Variants in DPP6 observed in about 807,000 individuals in gnomAD.
DPP6 encodes the protein dipeptidyl peptidase like 6, also known as A-type potassium channel modulatory protein DPP6.
In DPP6, 69 loss-of-function variants were observed where a neutral mutation model predicts 122.6. That is an observed-to-expected ratio of 0.56 (90% CI 0.46 to 0.69). DPP6 has a LOEUF of 0.69. DPP6 is among the 30% of genes least tolerant of loss of function. The pLI is 0.00. For synonymous variants in DPP6, 418 were observed against 433.1 expected (o/e 0.97, Z 0.43); for missense variants, 928 against 1,116.9 (o/e 0.83, Z 2.41).
rs372610723 is a variant in DPP6 at position 154,041,594 on chromosome 7, T to C, written c.51+153860T>C. Among the ~76,000 whole-genome samples the C allele has an allele frequency of 6.5e-3, 983 of 152,272 alleles. 7 individuals are homozygous for C. Among genetic ancestry groups the C allele is most frequent in the African/African-American group, 0.023 (938 of 41,558 alleles). On this transcript the variant is annotated intron_variant, in intron 1 of 25. Coordinates refer to the DPP6 transcript ENST00000404039. Reference sequence around the variant, plus strand: ...AGGTGTGCAGTGTGTCCAACAGGAATGCTTTTGGCTGTGAAACAATTCCTG... The same window carrying C: ...AGGTGTGCAGTGTGTCCAACAGGAACGCTTTTGGCTGTGAAACAATTCCTG...
chr7:154,083,847 A>G (rs1384367939), intron 1 of DPP6, among the ~76,000 whole-genome samples: 1 of 150,898 alleles, frequency 6.6e-6, no homozygotes, highest in Non-Finnish European at 1.5e-5. Flanking sequence ...GGATATTTCC[A>G]TGTTCTTCCT....
At chr7:154,142,404 C>T (rs1795890145) in intron 1 of DPP6, among the ~76,000 whole-genome samples, 1 of 152,034 alleles carries the variant, frequency 6.6e-6, no homozygotes, top group African/African-American at 2.4e-5. Context: ...AAACACAGTT[C>T]CATGTTTACT....
At chr7:153,833,634 A>G in the DPP6 span, among the ~76,000 whole-genome samples, 7,751 of 151,596 alleles carry the variant, frequency 0.051, 653 homozygotes, top group African/African-American at 0.18. Flanking sequence ...TTGGAGTGTC[A>G]CTGCACTCCA....
intron 16 of DPP6, among the ~76,000 whole-genome samples, chr7:154,815,701 T>C (rs1203824092): frequency 6.6e-6 from 1 of 152,246 alleles, no homozygotes; most frequent in African/African-American, 2.4e-5. Context: ...GATGGAATTA[T>C]TGCAGTCACT....
intron 16 of DPP6, among the ~76,000 whole-genome samples, chr7:154,826,163 G>A (rs1339221319): frequency 6.6e-6 from 1 of 152,208 alleles, no homozygotes; most frequent in Non-Finnish European, 1.5e-5. Flanking sequence ...CAGTGTATGA[G>A]TTTAATAAAT....
the DPP6 span, among the ~76,000 whole-genome samples, chr7:153,764,611 G>T: frequency 1.3e-5 from 2 of 151,926 alleles, no homozygotes; most frequent in Non-Finnish European, 2.9e-5. Context: ...CTTTTGGAGA[G>T]CTTCTTTGGA....
chr7:154,190,424 CA>C (rs1342241373), intron 1 of DPP6, among the ~76,000 whole-genome samples: 2 of 152,078 alleles, frequency 1.3e-5, no homozygotes, highest in African/African-American at 4.8e-5. Flanking sequence ...TCTTCCTTCT[CA>C]AAAGGTGATG....
intron 1 of DPP6, among the ~76,000 whole-genome samples, chr7:154,414,916 A>C (rs766014577): frequency 3.3e-5 from 5 of 152,148 alleles, no homozygotes; most frequent in Non-Finnish European, 7.3e-5. Context: ...ACACACTGTC[A>C]CTTCCAGTAT....
intron 3 of DPP6, among the ~76,000 whole-genome samples, chr7:154,530,149 A>G (rs921444921): frequency 1.3e-5 from 2 of 152,044 alleles, no homozygotes; most frequent in Admixed American, 6.6e-5. Context: ...AAGAAAAAGA[A>G]AAAAAAGAAG....
At chr7:153,883,358 C>T (rs951400867), upstream of DPP6, among the ~76,000 whole-genome samples, 1 of 150,880 alleles carries the variant, frequency 6.6e-6, no homozygotes, top group African/African-American at 2.4e-5. Flanking sequence ...TTTTTCCTTA[C>T]ACTTACTTTC....
intron 6 of DPP6, among the ~76,000 whole-genome samples, chr7:154,645,636 C>T (rs1836416258): frequency 6.6e-6 from 1 of 152,102 alleles, no homozygotes; most frequent in Admixed American, 6.5e-5. Flanking sequence ...TTACTCCATC[C>T]ATATATTAGT....
At chr7:153,919,723 A>C (rs552838138) in intron 1 of DPP6, among the ~76,000 whole-genome samples, 1 of 152,306 alleles carries the variant, frequency 6.6e-6, no homozygotes, top group Non-Finnish European at 1.5e-5. Flanking sequence ...TATTGTGTCA[A>C]ATACTTCTAA....
chr7:153,948,434 T>C (rs923198304), intron 1 of DPP6, among the ~76,000 whole-genome samples: 4 of 152,018 alleles, frequency 2.6e-5, no homozygotes, highest in African/African-American at 9.7e-5. Flanking sequence ...CTAGACATAT[T>C]ACAGGAAAAC....
chr7:154,696,662 C>T (rs1840236297), intron 7 of DPP6, among the ~76,000 whole-genome samples: 1 of 152,232 alleles, frequency 6.6e-6, no homozygotes, highest in Admixed American at 6.5e-5. Flanking sequence ...GGGCAAATCA[C>T]CTAGGCTGTC....
chr7:153,877,471 C>T, the DPP6 span, among the ~76,000 whole-genome samples: 2 of 152,098 alleles, frequency 1.3e-5, no homozygotes, highest in African/African-American at 4.8e-5. Context: ...TTTGTTCACA[C>T]CAGCATCACC....
chr7:154,574,800 GT>G (rs1185783366), intron 5 of DPP6, among the ~76,000 whole-genome samples: 1,481 of 90,566 alleles, frequency 0.016, 17 homozygotes, highest in South Asian at 0.029. Context: ...TGTGGTGTGT[GT>G]TTGTGTGTGT....
chr7:154,764,393 G>A (rs577740077), intron 8 of DPP6, among the ~76,000 whole-genome samples: 5 of 152,270 alleles, frequency 3.3e-5, no homozygotes, highest in Non-Finnish European at 5.9e-5. Flanking sequence ...AAAGAGAGGC[G>A]GTGGTCATAC....
intron 1 of DPP6, among the ~76,000 whole-genome samples, chr7:153,980,530 T>C (rs2129037627): frequency 6.6e-6 from 1 of 152,344 alleles, no homozygotes; most frequent in East Asian, 1.9e-4. Flanking sequence ...GAAGGGTTTT[T>C]TGTGTGTCTA....
chr7:154,453,623 T>C (rs1202971482), intron 2 of DPP6, among the ~76,000 whole-genome samples: 1 of 151,824 alleles, frequency 6.6e-6, no homozygotes, highest in African/African-American at 2.4e-5. Context: ...AAAACCAAAC[T>C]TGATTCTGTA....
Sources: gnomAD v4.1 joint callset for allele counts (sites outside exome capture counted in the v4.1 genomes callset) on GRCh38, gnomAD v4.1.1 for gene constraint, MANE v1.5 for transcripts, NCBI Gene and HGNC (gene_info 2026-07-23, HGNC 2026-07-21) for gene names.